The following AAK1 variants were observed in gnomAD, a reference collection of about 807,000 sequenced individuals.
AAK1 encodes the protein AP2-associated protein kinase 1.
AAK1 carries 37 observed loss-of-function variants against 116.0 expected under a neutral mutation model. The observed-to-expected ratio is 0.32, with a 90% CI of 0.25 to 0.42. AAK1 has a LOEUF of 0.42. AAK1 is among the 10% of genes least tolerant of loss of function. The pLI, the probability that AAK1 is intolerant of heterozygous loss-of-function variation, is 1.00. For missense variants in AAK1, 919 were observed against 1,170.6 expected (o/e 0.79, Z 3.14); for synonymous variants, 458 against 439.9 (o/e 1.04, Z -0.51).
At chr2:69,597,958 T>TA (rs1033580088) in intron 2 of AAK1, 5 of 291,132 alleles carry the variant, frequency 1.7e-5, no homozygotes, top group Admixed American at 1.6e-4. Flanking sequence ...CCATTGGAGT[T>TA]ACTTGAGATG....
chr2:69,482,582 G>A (rs768027657), intron 18 of AAK1, 129 bp downstream of exon 18: 2 of 777,160 alleles, frequency 2.6e-6, no homozygotes, highest in South Asian at 2.9e-5. Flanking sequence ...TGATACAAGT[G>A]AGATTAAATA....
At chr2:69,593,610 G>T (rs1673131473) in intron 2 of AAK1, among the ~76,000 whole-genome samples, 1 of 151,992 alleles carries the variant, frequency 6.6e-6, no homozygotes, top group Non-Finnish European at 1.5e-5. Flanking sequence ...TTAAATCTAT[G>T]GGTGATATGA....
intron 8 of AAK1, 67 bp from the exon 9 acceptor site, chr2:69,527,386 T>C: frequency 2.9e-6 from 3 of 1,034,474 alleles, no homozygotes; most frequent in Non-Finnish European, 4.4e-6. Flanking sequence ...GGAAGCATCA[T>C]TCCTCTCTCT....
At chr2:69,593,020 G>C (rs1402496560) in intron 2 of AAK1, among the ~76,000 whole-genome samples, 1 of 152,106 alleles carries the variant, frequency 6.6e-6, no homozygotes, top group Non-Finnish European at 1.5e-5. Context: ...ACTGCTGCTT[G>C]CATTTTTAGT....
Position 69,472,244 on chromosome 2 carries a change from C to T in AAK1, c.*3625G>A. On this transcript the variant is annotated 3_prime_UTR_variant, in exon 22 of 22. Coordinates refer to ENST00000409085, the MANE Select transcript of AAK1 (RefSeq NM_014911.5). Reference sequence around the variant, plus strand: ...TCAACAGTAACCACTCTTCATCTTACAGGGTTGAATTTGCTTTCTGGAAAT... The same window carrying T: ...TCAACAGTAACCACTCTTCATCTTATAGGGTTGAATTTGCTTTCTGGAAAT... 1.2e-6 allele frequency: 1 copy of T among 867,350 alleles called. No individual in the cohort carries two copies. Among genetic ancestry groups the T allele is most frequent in the African/African-American group, 1.8e-5 (1 of 54,784 alleles). 53.7% of individuals were successfully genotyped at this position (867,350 alleles called of 1,614,324 possible).
At chr2:69,634,531 C>T (rs923942051) in intron 2 of AAK1, among the ~76,000 whole-genome samples, 2 of 152,182 alleles carry the variant, frequency 1.3e-5, no homozygotes. Context: ...CTATGGCAAA[C>T]AGAGAAGTAA....
intron 20 of AAK1, 151 bp downstream of exon 20, chr2:69,478,800 A>C: frequency 1.6e-6 from 1 of 634,670 alleles, no homozygotes; most frequent in Middle Eastern, 2.5e-4. Flanking sequence ...GTATTATAAC[A>C]CAGTATCTAG....
At chr2:69,620,410 T>C (rs1308433281) in intron 2 of AAK1, among the ~76,000 whole-genome samples, 1 of 152,222 alleles carries the variant, frequency 6.6e-6, no homozygotes, top group Non-Finnish European at 1.5e-5. Context: ...AGCCTACTGA[T>C]ATGCTCAAGC....
intron 18 of AAK1, 144 bp from the exon 19 acceptor site, chr2:69,481,105 T>G: frequency 2.9e-6 from 2 of 680,620 alleles, no homozygotes; most frequent in South Asian, 2.0e-5. Flanking sequence ...AAGCGATCTA[T>G]CCCACCTTGG....
At chr2:69,625,480 A>C (rs1674854548) in intron 2 of AAK1, among the ~76,000 whole-genome samples, 1 of 152,204 alleles carries the variant, frequency 6.6e-6, no homozygotes. Flanking sequence ...CATATATAAA[A>C]ATTAACGAAC....
intron 2 of AAK1, among the ~76,000 whole-genome samples, chr2:69,609,161 AG>A (rs1673946222): frequency 6.6e-6 from 1 of 152,134 alleles, no homozygotes; most frequent in Admixed American, 6.5e-5. Flanking sequence ...CAGGAGTTCA[AG>A]GCCAGCCTGG....
At chr2:69,512,343 C>T (rs1178220999) in intron 13 of AAK1, among the ~76,000 whole-genome samples, 1 of 152,124 alleles carries the variant, frequency 6.6e-6, no homozygotes, top group African/African-American at 2.4e-5. Flanking sequence ...AGTCTCTTTT[C>T]AAGTGTATAG....
intron 2 of AAK1, among the ~76,000 whole-genome samples, chr2:69,640,406 G>C (rs1675667959): frequency 1.3e-5 from 2 of 152,192 alleles, no homozygotes; most frequent in Admixed American, 1.3e-4. Context: ...CAGTTCCACA[G>C]CTAGTAAAGA....
At chr2:69,492,920 T>C (rs1176548184) in intron 17 of AAK1, among the ~76,000 whole-genome samples, 1 of 151,876 alleles carries the variant, frequency 6.6e-6, no homozygotes, top group African/African-American at 2.4e-5. Context: ...GTGTCCATAG[T>C]GGGCTGGAGG....
rs550504183 is a variant in AAK1 at position 69,621,251 on chromosome 2, G to T, written c.163+21627C>A. Among the ~76,000 whole-genome samples, 12 of 152,276 alleles carry T rather than the reference G, an allele frequency of 7.9e-5. No individual in the cohort carries two copies. The East Asian group carries it at 2.3e-3, about 29-fold the overall frequency. ...AATCCCAGCACTTTGGGAAACTAAG[G>T]CATCACCTGAGGTCGGGAGTTCGAG... On this transcript the variant is annotated intron_variant, in intron 2 of 21. Coordinates refer to ENST00000409085, the MANE Select transcript of AAK1 (RefSeq NM_014911.5).
intron 2 of AAK1, among the ~76,000 whole-genome samples, chr2:69,611,359 G>A (rs1038813960): frequency 2.6e-5 from 4 of 152,198 alleles, no homozygotes; most frequent in Admixed American, 1.3e-4. Context: ...TTTGGGACTC[G>A]GACCAGTGGC....
At chr2:69,615,779 T>C (rs146674178) in intron 2 of AAK1, among the ~76,000 whole-genome samples, 1 of 152,346 alleles carries the variant, frequency 6.6e-6, no homozygotes, top group African/African-American at 2.4e-5. Flanking sequence ...CCTTCCCCAC[T>C]AGACTGTAAG....
chr2:69,473,204 G>T lies in AAK1; in HGVS notation c.*2665C>A. The T allele has an allele frequency of 1.2e-6, 1 of 837,154 alleles. No homozygotes were observed. The highest frequency in any genetic ancestry group is 1.4e-6 in the Non-Finnish European group (1 of 694,546). 51.9% of individuals were successfully genotyped at this position (837,154 alleles called of 1,614,324 possible). A position where few individuals can be genotyped will look rare whatever the true frequency, so the allele number is the denominator to read the frequency against. Reference sequence around the variant, plus strand: ...GCCAGGATGAGATCCCAGGTGGCCTGTCCTGCCCAGGCCTCTTCTCCCCCG... The same window carrying T: ...GCCAGGATGAGATCCCAGGTGGCCTTTCCTGCCCAGGCCTCTTCTCCCCCG... On this transcript the variant is annotated 3_prime_UTR_variant, in exon 22 of 22. Coordinates refer to ENST00000409085, the MANE Select transcript of AAK1 (RefSeq NM_014911.5).
At chr2:69,497,823 C>T (rs886599626) in intron 16 of AAK1, among the ~76,000 whole-genome samples, 1 of 152,136 alleles carries the variant, frequency 6.6e-6, no homozygotes, top group African/African-American at 2.4e-5. Context: ...GTGGTGATGT[C>T]TTATATAAAC....
Sources: allele counts gnomAD v4.1 joint callset (sites outside exome capture counted in the v4.1 genomes callset), GRCh38; gene constraint gnomAD v4.1.1; transcripts MANE v1.5; gene names NCBI Gene and HGNC (gene_info 2026-07-23, HGNC 2026-07-21).